The following ZDHHC6 variants were observed in gnomAD, a reference collection of about 807,000 sequenced individuals.
The protein encoded by ZDHHC6 is zDHHC palmitoyltransferase 6.
Under a neutral mutation model 57.8 loss-of-function variants are expected in ZDHHC6, and 32 were observed. The observed-to-expected ratio is 0.55, with a 90% confidence interval of 0.42 to 0.74. The LOEUF is 0.74. ZDHHC6 is among the 30% of genes least tolerant of loss of function. The pLI is 0.00. For missense variants in ZDHHC6, 433 were observed against 500.7 expected (o/e 0.86, Z 1.29); for synonymous variants, 128 against 158.0 (o/e 0.81, Z 1.42).
upstream of ZDHHC6, chr10:112,447,286 G>A: frequency 7.0e-7 from 1 of 1,433,026 alleles, no homozygotes; most frequent in Non-Finnish European, 9.5e-7. Context: ...CACCTTCCGG[G>A]GTTCCTAAGC....
chr10:112,430,841 G>C lies in ZDHHC6; in HGVS notation c.1205C>G (p.Thr402Arg). 1.9e-6 allele frequency: 3 copies of C among 1,613,876 alleles called. No homozygotes were observed. The highest frequency in any genetic ancestry group is 2.5e-6 in the Non-Finnish European group (3 of 1,179,916). The change falls in exon 11 of 11, where the codon ACA (threonine) becomes AGA (arginine). Residue 402 changes from threonine (T) to arginine (R), a missense_variant. Coordinates refer to ENST00000369405, the MANE Select transcript of ZDHHC6 (RefSeq NM_022494.3). ...CVEKCPCDAE[T>R]DQAPEGEKKN... The stretch of plus-strand genomic sequence containing the variant: ...CTTCTCCCCCTCTGGGGCTTGATCT[G>C]TTTCAGCATCACAGGGACACTTTTC...
intron 6 of ZDHHC6, among the ~76,000 whole-genome samples, chr10:112,436,221 T>C (rs1589730788): frequency 6.6e-6 from 1 of 152,212 alleles, no homozygotes; most frequent in East Asian, 1.9e-4. Flanking sequence ...ACGCCTGTAA[T>C]CCCAGCACTT....
rs757415233 is a variant in ZDHHC6 at position 112,445,369 on chromosome 10, C to A, written c.68G>T (p.Gly23Val). 4.3e-6 allele frequency: 7 copies of A among 1,614,170 alleles called. No homozygotes were observed. Among genetic ancestry groups the A allele is most frequent in the African/African-American group, 1.3e-5 (1 of 75,032 alleles). The change falls in exon 2 of 11, where the codon GGT becomes GTT. Residue 23 changes from glycine (G) to valine (V), a missense_variant. Physicochemically the swap from Gly to Val is moderately radical, Grantham distance 109. Coordinates refer to ENST00000369405, the MANE Select transcript of ZDHHC6 (RefSeq NM_022494.3). ...TATAACACCAAGGGCTATGATGGGA[C>A]CCCAGTGACACAGTCTCTTTAATTC... ...LQELKRLCHW[G>V]PIIALGVIAI...
downstream of ZDHHC6, chr10:112,427,480 G>A: frequency 1.1e-6 from 1 of 923,810 alleles, no homozygotes; most frequent in Non-Finnish European, 1.5e-6. Context: ...AAACTCTAAA[G>A]CCATAGCTTT....
At chr10:112,431,001 T>C (rs562623281) in intron 10 of ZDHHC6, 94 bp from the exon 11 acceptor site, 1 of 1,024,076 alleles carries the variant, frequency 9.8e-7, no homozygotes, top group South Asian at 1.5e-5. Context: ...ATTAATAAGC[T>C]TGTAGTTAGA....
At chr10:112,428,977 A>G (rs1589710953), downstream of ZDHHC6, among the ~76,000 whole-genome samples, 9 of 152,380 alleles carry the variant, frequency 5.9e-5, 2 homozygotes, top group Admixed American at 5.9e-4. Context: ...AATAAAACAA[A>G]TACCAGCTGA....
intron 4 of ZDHHC6, among the ~76,000 whole-genome samples, chr10:112,441,419 T>A (rs1846109117): frequency 6.6e-6 from 1 of 152,244 alleles, no homozygotes; most frequent in Non-Finnish European, 1.5e-5. Context: ...CAAATGGTGA[T>A]GAAGAACTGA....
intron 6 of ZDHHC6, among the ~76,000 whole-genome samples, chr10:112,437,008 C>A (rs1034920092): frequency 6.6e-6 from 1 of 152,024 alleles, no homozygotes; most frequent in African/African-American, 2.4e-5. Context: ...ATATAGCAAA[C>A]TAAGGTTATT....
downstream of ZDHHC6, among the ~76,000 whole-genome samples, chr10:112,430,134 C>T (rs1010432670): frequency 4.6e-5 from 7 of 152,220 alleles, no homozygotes; most frequent in South Asian, 2.1e-4. Flanking sequence ...TCACTATGAC[C>T]GCAATATCCC....
chr10:112,438,594 CG>C lies in ZDHHC6; in HGVS notation c.682-206del, dbSNP rs1297382988. 1.3e-4 allele frequency among the ~76,000 whole-genome samples: 19 copies of C among 151,380 alleles called. No individual in the cohort carries two copies. In the Admixed American group the frequency reaches 1.3e-3, roughly 10 times the overall value. ...TAACTACTGCACCACGGTACCTCTC[CG>C]TAACAATGATTACACCCATCCATAA... On this transcript the variant is annotated intron_variant, in intron 5 of 10. Transcript: ENST00000369405.
At chr10:112,442,146 T>C in intron 4 of ZDHHC6, 46 bp downstream of exon 4, 1 of 1,539,014 alleles carries the variant, frequency 6.5e-7, no homozygotes. Flanking sequence ...TACCATTTAA[T>C]CTTGCATGGA....
rs753485738 is a variant in ZDHHC6, at chr10:112,432,368, T to TTAC, written c.1091+5_1091+7dup. 1.2e-6 allele frequency: 2 copies of TTAC among 1,613,854 alleles called. No individual in the cohort carries two copies. The highest frequency in any genetic ancestry group is 2.2e-5 in the East Asian group (1 of 44,868). On this transcript the variant is annotated splice_region_variant and intron_variant, in intron 9 of 10. Coordinates refer to ENST00000369405, the MANE Select transcript of ZDHHC6 (RefSeq NM_022494.3). Reference sequence around the variant, plus strand: ...TGAAGAAGAAATGCAGTACTTCCTATTACTTACCGTAAACCTCTTGTGGCT... The same window carrying TTAC: ...TGAAGAAGAAATGCAGTACTTCCTATTACTACTTACCGTAAACCTCTTGTGGCT...
chr10:112,426,205 C>T (rs1844697048), downstream of ZDHHC6: 1 of 1,387,940 alleles, frequency 7.2e-7, no homozygotes. Flanking sequence ...TACTGGGGGA[C>T]ATCCCTACAT....
intron 6 of ZDHHC6, among the ~76,000 whole-genome samples, chr10:112,436,310 A>G (rs1166164919): frequency 6.6e-6 from 1 of 152,190 alleles, no homozygotes; most frequent in Non-Finnish European, 1.5e-5. Context: ...GCCTGTCTCT[A>G]CTAAAAATAC....
chr10:112,428,742 G>C (rs1844834091), downstream of ZDHHC6, among the ~76,000 whole-genome samples: 1 of 150,442 alleles, frequency 6.6e-6, no homozygotes. Flanking sequence ...CTGCATTCCA[G>C]CCTGGGTGAA....
chr10:112,428,437 C>A, downstream of ZDHHC6: 1 of 398,434 alleles, frequency 2.5e-6, no homozygotes, highest in Non-Finnish European at 4.4e-6. Flanking sequence ...AAACAAGGAC[C>A]CCTTAAAAAT....
At chr10:112,442,716 G>C (rs1047279897) in intron 3 of ZDHHC6, among the ~76,000 whole-genome samples, 1 of 152,124 alleles carries the variant, frequency 6.6e-6, no homozygotes, top group African/African-American at 2.4e-5. Flanking sequence ...AGTGACCCAA[G>C]TGACCTACAA....
At chr10:112,427,114 C>T, downstream of ZDHHC6, 1 of 1,214,986 alleles carries the variant, frequency 8.2e-7, no homozygotes, top group Non-Finnish European at 1.2e-6. Context: ...TTACCTTTAC[C>T]CTTTCACTGC....
In ZDHHC6 at chr10:112,445,162, T is replaced by C; in HGVS notation, c.267+8A>G. Reference sequence around the variant, plus strand: ...TTAAAGTTCATTGTCTTACAGAATCTTTCTTACCGGTTTCCACCCCAGAGG... The same window carrying C: ...TTAAAGTTCATTGTCTTACAGAATCCTTCTTACCGGTTTCCACCCCAGAGG... On this transcript the variant is annotated splice_region_variant and intron_variant, in intron 2 of 10. Transcript: ENST00000369405. 2 of 1,608,654 alleles carry C rather than the reference T, an allele frequency of 1.2e-6. No homozygotes were observed. Among genetic ancestry groups the C allele is most frequent in the Non-Finnish European group, 1.7e-6 (2 of 1,176,174 alleles).
Sources: allele counts gnomAD v4.1 joint callset (sites outside exome capture counted in the v4.1 genomes callset), GRCh38; gene constraint gnomAD v4.1.1; transcripts MANE v1.5; gene names NCBI Gene and HGNC (gene_info 2026-07-23, HGNC 2026-07-21).